The following LRMDA variants were observed in gnomAD, a reference collection of about 807,000 sequenced individuals.
The protein encoded by LRMDA is leucine rich melanocyte differentiation associated.
Under a neutral mutation model 29.8 loss-of-function variants are expected in LRMDA, and 18 were observed. The ratio of observed to expected loss-of-function variants is 0.60; its 90% CI spans 0.42 to 0.90. The LOEUF (loss-of-function observed/expected upper bound fraction) is 0.90. Among genes scored for constraint, LRMDA ranks in the 40% least tolerant of loss-of-function variants. LRMDA has a pLI of 0.00. For missense variants in LRMDA, 273 were observed against 273.9 expected, an observed-to-expected ratio of 1.00 and a Z score of 0.02; for synonymous variants, 125 against 109.4, an observed-to-expected ratio of 1.14 and a Z score of -0.89.
chr10:75,791,092 T>G (rs1843557552), intron 2 of LRMDA, among the ~76,000 whole-genome samples: 1 of 152,194 alleles, frequency 6.6e-6, no homozygotes, highest in Admixed American at 6.5e-5. Context: ...CATCCCACTT[T>G]CCACAGTTTG....
chr10:75,514,849 T>C (rs955992578), intron 2 of LRMDA, among the ~76,000 whole-genome samples: 4 of 151,996 alleles, frequency 2.6e-5, no homozygotes, highest in African/African-American at 9.7e-5. Context: ...CTAACCTGAG[T>C]GTTCCTTTAT....
chr10:75,885,443 G>C (rs1845371050), intron 2 of LRMDA, among the ~76,000 whole-genome samples: 1 of 152,206 alleles, frequency 6.6e-6, no homozygotes, highest in Admixed American at 6.5e-5. Flanking sequence ...AATGTTGCAA[G>C]GTCTCTGTGG....
At chr10:75,764,762 C>T (rs1305643399) in intron 2 of LRMDA, among the ~76,000 whole-genome samples, 2 of 152,182 alleles carry the variant, frequency 1.3e-5, no homozygotes, top group Non-Finnish European at 2.9e-5. Flanking sequence ...TGAGTCATCT[C>T]GGACCACATA....
At chr10:76,217,143 T>C (rs1017347903) in intron 5 of LRMDA, among the ~76,000 whole-genome samples, 4 of 152,152 alleles carry the variant, frequency 2.6e-5, no homozygotes, top group Admixed American at 1.3e-4. Flanking sequence ...ACATACATTT[T>C]ATATATGTGA....
chr10:76,199,365 A>G (rs1205323683), intron 5 of LRMDA, among the ~76,000 whole-genome samples: 1 of 152,182 alleles, frequency 6.6e-6, no homozygotes, highest in Non-Finnish European at 1.5e-5. Context: ...GGCAACCTAG[A>G]GGAATTCCCG....
At chr10:76,463,900 CAGT>C (rs992344764) in intron 6 of LRMDA, among the ~76,000 whole-genome samples, 15 of 139,366 alleles carry the variant, frequency 1.1e-4, no homozygotes, top group African/African-American at 3.8e-4. Flanking sequence ...GCCTGGCACA[CAGT>C]AGGTGCAAAA....
chr10:76,182,682 A>C (rs748135411), intron 5 of LRMDA, among the ~76,000 whole-genome samples: 15 of 152,308 alleles, frequency 9.8e-5, no homozygotes, highest in Admixed American at 7.2e-4. Context: ...GGTGTCCCTG[A>C]CACAAGAAAA....
intron 2 of LRMDA, among the ~76,000 whole-genome samples, chr10:75,860,472 C>T (rs1844909517): frequency 1.3e-5 from 2 of 151,950 alleles, no homozygotes; most frequent in Admixed American, 1.3e-4. Flanking sequence ...AAGGTTTGCA[C>T]CAGCATGACT....
chr10:75,502,448 T>C (rs1268491436), intron 2 of LRMDA, among the ~76,000 whole-genome samples: 1 of 152,102 alleles, frequency 6.6e-6, no homozygotes, highest in East Asian at 1.9e-4. Context: ...TATTGATCTC[T>C]GAGTTGAATT....
At chr10:75,848,140 A>G (rs1844672473) in intron 2 of LRMDA, among the ~76,000 whole-genome samples, 1 of 152,250 alleles carries the variant, frequency 6.6e-6, no homozygotes, top group Non-Finnish European at 1.5e-5. Flanking sequence ...TATTAACAAT[A>G]GTCAGTAGGT....
At chr10:76,231,086 G>A (rs1411196861) in intron 5 of LRMDA, among the ~76,000 whole-genome samples, 2 of 151,894 alleles carry the variant, frequency 1.3e-5, no homozygotes, top group African/African-American at 2.4e-5. Context: ...AGCTGCCTCC[G>A]AGCAAAGGCA....
chr10:76,228,833 C>T (rs548112795), intron 5 of LRMDA, among the ~76,000 whole-genome samples: 6 of 152,192 alleles, frequency 3.9e-5, no homozygotes, highest in Non-Finnish European at 7.3e-5. Context: ...TCTGCATAGC[C>T]TGATAGGCTC....
intron 2 of LRMDA, among the ~76,000 whole-genome samples, chr10:75,795,864 A>C (rs949772904): frequency 9.9e-5 from 15 of 152,194 alleles, no homozygotes; most frequent in African/African-American, 3.6e-4. Context: ...TTCAATCCAT[A>C]AATGTATTAC....
At chr10:75,824,577 C>T (rs577603567) in intron 2 of LRMDA, among the ~76,000 whole-genome samples, 14 of 152,184 alleles carry the variant, frequency 9.2e-5, no homozygotes, top group Non-Finnish European at 1.9e-4. Context: ...GATTCTTACT[C>T]TTGTAGGTCA....
chr10:75,630,176 T>C (rs550930731), intron 2 of LRMDA, among the ~76,000 whole-genome samples: 7 of 152,220 alleles, frequency 4.6e-5, no homozygotes, highest in Non-Finnish European at 1.0e-4. Flanking sequence ...GCCCTCCTGC[T>C]GCATTTTCCT....
At chr10:76,080,079 C>T (rs937761640) in intron 5 of LRMDA, among the ~76,000 whole-genome samples, 3 of 152,104 alleles carry the variant, frequency 2.0e-5, no homozygotes, top group South Asian at 2.1e-4. Context: ...CCCTTCCCTT[C>T]GAAATAGATA....
chr10:75,574,285 C>T (rs182486031), intron 2 of LRMDA, among the ~76,000 whole-genome samples: 2 of 152,240 alleles, frequency 1.3e-5, no homozygotes, highest in East Asian at 1.9e-4. Flanking sequence ...CTCTCTCTCT[C>T]AATGCTCTTC....
chr10:76,287,940 A>G (rs1376230489), intron 5 of LRMDA, among the ~76,000 whole-genome samples: 1 of 152,226 alleles, frequency 6.6e-6, no homozygotes. Flanking sequence ...ACAAGCACTG[A>G]GTCAGGACTG....
chr10:75,879,287 A>G (rs1589238655), intron 2 of LRMDA, among the ~76,000 whole-genome samples: 4 of 152,298 alleles, frequency 2.6e-5, no homozygotes, highest in South Asian at 2.1e-4. Context: ...CGAACACTCA[A>G]TTGGCTGCTG....
Sources: allele counts gnomAD v4.1 joint callset (sites outside exome capture counted in the v4.1 genomes callset), GRCh38; gene constraint gnomAD v4.1.1; transcripts MANE v1.5; gene names NCBI Gene and HGNC (gene_info 2026-07-23, HGNC 2026-07-21).